The following TFAP2E variants were observed in gnomAD, a reference collection of about 807,000 sequenced individuals.
TFAP2E encodes transcription factor AP-2-epsilon.
In TFAP2E, 30 loss-of-function variants were observed where a neutral mutation model predicts 37.9. That is an observed-to-expected ratio of 0.79 (90% CI 0.59 to 1.07). The LOEUF is 1.07. Ranked by LOEUF, TFAP2E falls within the 50% of genes least tolerant of loss-of-function variation. The pLI is 0.00. For missense variants in TFAP2E, 567 were observed against 637.9 expected (o/e 0.89, Z 1.20); for synonymous variants, 318 against 295.8 (o/e 1.08, Z -0.77).
At chr1:35,574,823 C>T in intron 2 of TFAP2E, 126 bp from the exon 3 acceptor site, 4 of 1,286,350 alleles carry the variant, frequency 3.1e-6, no homozygotes, top group Admixed American at 1.7e-5. Flanking sequence ...GCCTGCCCGT[C>T]GCCGCCCCAA....
At position 35,589,186 on chromosome 1, in the gene TFAP2E, CTCTGTG is replaced by C. The variant is rs1202715581; in HGVS notation, c.785+636_785+641del. Among the ~76,000 whole-genome samples the C allele has an allele frequency of 2.7e-3, 360 of 133,626 alleles. 2 individuals carry two copies. The highest frequency in any genetic ancestry group is 9.9e-3 in the African/African-American group (340 of 34,402). 87.7% of individuals were successfully genotyped at this position (133,626 alleles called of 152,430 possible). ...GATGTGTGGCCTAGGGTGTGTCCTG[CTCTGTG>C]TGTGTGTGTGTGTGTGTGTGTGTGT... On this transcript the variant is annotated intron_variant, in intron 4 of 6. Transcript: ENST00000373235.
Position 35,588,666 on chromosome 1 carries a change from T to A in TFAP2E, c.785+114T>A. On this transcript the variant is annotated intron_variant, in intron 4 of 6. Transcript: ENST00000373235. This position sits in a 1 kb window ranked among gnomAD's most constrained non-coding sequence, Gnocchi z 5.1. ...CCTAGGCCCTCTGCCTCAGTCTCCC[T>A]GGGAGGGGAGGCCCCGGGGACTCTG... The A allele has an allele frequency of 8.8e-7, 1 of 1,140,334 alleles. No individual in the cohort carries two copies. Among genetic ancestry groups the A allele is most frequent in the Non-Finnish European group, 1.2e-6 (1 of 837,204 alleles). The allele number at this position is 1,140,334 out of a possible 1,614,324, so 70.6% of individuals were successfully genotyped here. A position where few individuals can be genotyped will look rare whatever the true frequency, so the allele number is the denominator to read the frequency against.
At chr1:35,591,603 GTTCCCGCTGCA>G (rs1252453363) in intron 6 of TFAP2E, among the ~76,000 whole-genome samples, 1 of 152,150 alleles carries the variant, frequency 6.6e-6, no homozygotes, top group Non-Finnish European at 1.5e-5. Context: ...ATCTTCAATG[GTTCCCGCTGCA>G]TTGATTTTCA....
chr1:35,591,697 G>GT (rs992895820), intron 6 of TFAP2E, among the ~76,000 whole-genome samples: 7 of 152,172 alleles, frequency 4.6e-5, no homozygotes, highest in Non-Finnish European at 7.4e-5. Flanking sequence ...TTTTGTTTTT[G>GT]TTTTTTGAGA....
chr1:35,585,405 G>C (rs1557436426), intron 3 of TFAP2E, among the ~76,000 whole-genome samples: 2 of 152,152 alleles, frequency 1.3e-5, no homozygotes, highest in Admixed American at 1.3e-4. Flanking sequence ...CCTCTAGCCT[G>C]CCAACCTCCC....
chr1:35,577,373 G>A lies in TFAP2E; in HGVS notation c.562+2373G>A, dbSNP rs76219284. On this transcript the variant is annotated intron_variant, in intron 3 of 6. Coordinates refer to ENST00000373235, the MANE Select transcript of TFAP2E (RefSeq NM_178548.4). This position sits in a 1 kb window ranked among gnomAD's most constrained non-coding sequence, Gnocchi z 6.3. ...TTCGGCGTTGCCGCCAGCCCAGTGG[G>A]GAGTGAATTAGCGCCCTCCTTCGTC... 3,527 of 456,792 alleles carry A rather than the reference G, an allele frequency of 7.7e-3. 103 individuals are homozygous for A. Among genetic ancestry groups the A allele is most frequent in the African/African-American group, 0.063 (3,188 of 50,212 alleles). 28.3% of individuals were successfully genotyped at this position (456,792 alleles called of 1,614,324 possible). A position where few individuals can be genotyped will look rare whatever the true frequency, so the allele number is the denominator to read the frequency against.
At chr1:35,579,972 C>T (rs892730828) in intron 3 of TFAP2E, among the ~76,000 whole-genome samples, 3 of 151,866 alleles carry the variant, frequency 2.0e-5, no homozygotes, top group African/African-American at 4.8e-5. Context: ...TTTGGGAGGC[C>T]GAGGCAGGTG....
At chr1:35,585,077 G>T (rs188494576) in intron 3 of TFAP2E, among the ~76,000 whole-genome samples, 2 of 152,038 alleles carry the variant, frequency 1.3e-5, no homozygotes, top group African/African-American at 2.4e-5. Context: ...GAGCTGGGGG[G>T]CAGGGGAGAG....
Position 35,594,705 on chromosome 1 carries a change from C to A in TFAP2E, c.*29C>A, listed in dbSNP as rs1571112398. Reference sequence around the variant, plus strand: ...CTTCTCCCACCCCATCCCTAAGGGGCTCCCAGGCCCTGAAATAGGGACTTA... The same window carrying A: ...CTTCTCCCACCCCATCCCTAAGGGGATCCCAGGCCCTGAAATAGGGACTTA... On this transcript the variant is annotated 3_prime_UTR_variant, in exon 7 of 7. Transcript: ENST00000373235. The A allele has an allele frequency of 1.2e-6, 2 of 1,612,230 alleles. No homozygotes were observed. Among genetic ancestry groups the A allele is most frequent in the Middle Eastern group, 1.9e-4 (1 of 5,152 alleles).
rs1448029053 is a variant in TFAP2E, at chr1:35,573,524, C to G, written c.-54C>G. The stretch of plus-strand genomic sequence containing the variant: ...CGGCGCCTCTGCCCGCAGCGCTCGC[C>G]GTCGGGCTAGGGCTCCGCCGCCGCC... On this transcript the variant is annotated 5_prime_UTR_variant, in exon 1 of 7. Coordinates refer to ENST00000373235, the MANE Select transcript of TFAP2E (RefSeq NM_178548.4). This position sits in a 1 kb window ranked among gnomAD's most constrained non-coding sequence, Gnocchi z 5.9. The G allele has an allele frequency of 6.8e-7, 1 of 1,469,872 alleles. No individual in the cohort carries two copies. Among genetic ancestry groups the G allele is most frequent in the Non-Finnish European group, 9.0e-7 (1 of 1,112,956 alleles). The allele number at this position is 1,469,872 out of a possible 1,614,324, so 91.1% of individuals were successfully genotyped here.
chr1:35,585,653 C>A lies in TFAP2E; in HGVS notation c.563-2677C>A, dbSNP rs568605387. Among the ~76,000 whole-genome samples the A allele has an allele frequency of 5.9e-5, 9 of 152,226 alleles. No homozygotes were observed. In the South Asian group the frequency reaches 1.5e-3, roughly 25 times the overall value. On this transcript the variant is annotated intron_variant, in intron 3 of 6. Coordinates refer to ENST00000373235, the MANE Select transcript of TFAP2E (RefSeq NM_178548.4). ...ATATTGATTACATGTTGAAATGATT[C>A]TATTTTTAATATATTGGGCTAAATA...
In TFAP2E at chr1:35,573,374, C is replaced by A; in HGVS notation, c.-204C>A. The A allele has an allele frequency of 1.8e-6, 1 of 545,406 alleles. No homozygotes were observed. The highest frequency in any genetic ancestry group is 3.5e-5 in the South Asian group (1 of 28,638). The allele number at this position is 545,406 out of a possible 1,614,324, so 33.8% of individuals were successfully genotyped here. A position where few individuals can be genotyped will look rare whatever the true frequency, so the allele number is the denominator to read the frequency against. On this transcript the variant is annotated 5_prime_UTR_variant, in exon 1 of 7. Transcript: ENST00000373235. The surrounding 1 kb of genome is among the most constrained non-coding windows in gnomAD (Gnocchi z 5.9). The stretch of plus-strand genomic sequence containing the variant: ...CGACTTTTCCAAGTGCGATCAGTGC[C>A]CGTCCGTCCTGCCTCCATGGACCCG...
chr1:35,573,557 G>A lies in TFAP2E; in HGVS notation c.-21G>A. ...TAGGGCTCCGCCGCCGCCACGCCTCGCGCCCGGCACTCACCGCCCCATGCT... is the reference window on the plus strand; with the variant it reads ...TAGGGCTCCGCCGCCGCCACGCCTCACGCCCGGCACTCACCGCCCCATGCT... On this transcript the variant is annotated 5_prime_UTR_variant, in exon 1 of 7. Coordinates refer to ENST00000373235, the MANE Select transcript of TFAP2E (RefSeq NM_178548.4). The surrounding 1 kb of genome is among the most constrained non-coding windows in gnomAD (Gnocchi z 5.9). The A allele has an allele frequency of 6.6e-7, 1 of 1,514,806 alleles. No homozygotes were observed. The highest frequency in any genetic ancestry group is 1.4e-5 in the African/African-American group (1 of 69,142). The allele number at this position is 1,514,806 out of a possible 1,614,324, so 93.8% of individuals were successfully genotyped here.
In TFAP2E at chr1:35,573,439, G is replaced by A; in HGVS notation, c.-139G>A. The A allele has an allele frequency of 8.4e-7, 1 of 1,194,302 alleles. No individual in the cohort carries two copies. The highest frequency in any genetic ancestry group is 1.1e-6 in the Non-Finnish European group (1 of 911,324). 74.0% of individuals were successfully genotyped at this position (1,194,302 alleles called of 1,614,324 possible). A position where few individuals can be genotyped will look rare whatever the true frequency, so the allele number is the denominator to read the frequency against. ...CCGCTGAGGACCCCACGCCCACTAGGATCCCGGCTGGGTCGCACCCAGCTA... is the reference window on the plus strand; with the variant it reads ...CCGCTGAGGACCCCACGCCCACTAGAATCCCGGCTGGGTCGCACCCAGCTA... On this transcript the variant is annotated 5_prime_UTR_variant, in exon 1 of 7. Transcript: ENST00000373235. The surrounding 1 kb of genome is among the most constrained non-coding windows in gnomAD (Gnocchi z 5.9).
At chr1:35,578,546 G>C (rs1649249895) in intron 3 of TFAP2E, among the ~76,000 whole-genome samples, 1 of 152,196 alleles carries the variant, frequency 6.6e-6, no homozygotes, top group African/African-American at 2.4e-5. Flanking sequence ...GGAGGAGAGT[G>C]GGTGGTTGCC....
In TFAP2E at chr1:35,574,198, G is replaced by A; in HGVS notation, c.299G>A (p.Trp100Ter). The change falls in exon 2 of 7, where the codon TGG (tryptophan) becomes TAG (stop). Residue 100 changes from tryptophan to a stop codon, truncating the protein, a stop_gained. Transcript: ENST00000373235. LOFTEE classifies it high-confidence loss of function. ...LAQPQPPQAAWAAPRAAARAH... is the reference protein window; with the variant it reads ...LAQPQPPQAA Reference sequence around the variant, plus strand: ...CAGCCGCAGCCTCCTCAGGCCGCCTGGGCCGCGCCCCGCGCAGCCGCCCGC... The same window carrying A: ...CAGCCGCAGCCTCCTCAGGCCGCCTAGGCCGCGCCCCGCGCAGCCGCCCGC... 7.6e-7 allele frequency: 1 copy of A among 1,314,692 alleles called. No homozygotes were observed. Among genetic ancestry groups the A allele is most frequent in the Non-Finnish European group, 9.7e-7 (1 of 1,033,348 alleles). 81.4% of individuals were successfully genotyped at this position (1,314,692 alleles called of 1,614,324 possible). A position where few individuals can be genotyped will look rare whatever the true frequency, so the allele number is the denominator to read the frequency against.
At chr1:35,575,646 A>C (rs969107744) in intron 3 of TFAP2E, among the ~76,000 whole-genome samples, 27 of 151,848 alleles carry the variant, frequency 1.8e-4, no homozygotes, top group Admixed American at 1.4e-3. Flanking sequence ...TATTTCTTGG[A>C]GTGTGAGTGT....
intron 3 of TFAP2E, among the ~76,000 whole-genome samples, chr1:35,585,238 G>A (rs1467467617): frequency 1.3e-5 from 2 of 152,136 alleles, no homozygotes; most frequent in African/African-American, 4.8e-5. Context: ...GGCCTGTGCT[G>A]GGTTTTTAAA....
intron 6 of TFAP2E, among the ~76,000 whole-genome samples, chr1:35,593,401 G>A (rs1394360393): frequency 1.3e-5 from 2 of 152,162 alleles, no homozygotes; most frequent in Non-Finnish European, 2.9e-5. Context: ...CCACAGTCTG[G>A]CCCACACAAA....
Sources: allele counts gnomAD v4.1 joint callset (sites outside exome capture counted in the v4.1 genomes callset), GRCh38; gene constraint gnomAD v4.1.1; non-coding constraint Gnocchi (gnomAD v3.1); transcripts MANE v1.5; gene names NCBI Gene and HGNC (gene_info 2026-07-23, HGNC 2026-07-21).